Variants in TENM2 observed in about 807,000 individuals in gnomAD.
The protein encoded by TENM2 is teneurin transmembrane protein 2.
In TENM2, 52 loss-of-function variants were observed where a neutral mutation model predicts 245.2. The observed-to-expected ratio is 0.21, with a 90% CI of 0.17 to 0.27. The LOEUF (loss-of-function observed/expected upper bound fraction) is 0.27, where lower values mean the gene tolerates loss of function less well. TENM2 is among the 10% of genes least tolerant of loss of function. TENM2 has a pLI of 1.00. For synonymous variants in TENM2, 1,363 were observed against 1,438.9 expected (o/e 0.95, Z 1.19); for missense variants, 3,046 against 3,666.8 (o/e 0.83, Z 4.37).
the TENM2 span, among the ~76,000 whole-genome samples, chr5:167,259,998 A>G: frequency 3.4e-4 from 52 of 152,308 alleles, no homozygotes; most frequent in African/African-American, 7.9e-4. Flanking sequence ...CTGGTCACCT[A>G]CAGATTCAGG....
the TENM2 span, among the ~76,000 whole-genome samples, chr5:167,213,821 G>T: frequency 1.3e-5 from 2 of 152,140 alleles, no homozygotes; most frequent in Non-Finnish European, 1.5e-5. Flanking sequence ...ACCTTTAATT[G>T]CATGAGTTTT....
chr5:167,119,971 A>G, the TENM2 span, among the ~76,000 whole-genome samples: 1 of 152,158 alleles, frequency 6.6e-6, no homozygotes, highest in Non-Finnish European at 1.5e-5. Flanking sequence ...GCTTGGAGAT[A>G]GAGAGGATCT....
intron 1 of TENM2, among the ~76,000 whole-genome samples, chr5:167,348,912 T>C (rs1758644154): frequency 6.6e-6 from 1 of 152,206 alleles, no homozygotes; most frequent in African/African-American, 2.4e-5. Flanking sequence ...TCTGTAAGTC[T>C]TAAGAGTTGA....
intron 3 of TENM2, among the ~76,000 whole-genome samples, chr5:167,916,502 G>C (rs1005465066): frequency 6.6e-6 from 1 of 152,120 alleles, no homozygotes; most frequent in Non-Finnish European, 1.5e-5. Context: ...CAACTACAAA[G>C]CTGTTTCCAG....
chr5:167,189,500 TC>T, the TENM2 span, among the ~76,000 whole-genome samples: 2 of 151,940 alleles, frequency 1.3e-5, no homozygotes, highest in African/African-American at 4.8e-5. Context: ...TTTCCTTCCT[TC>T]CTTCCCCCTT....
At chr5:167,795,465 G>A (rs1765253123) in intron 2 of TENM2, among the ~76,000 whole-genome samples, 3 of 152,098 alleles carry the variant, frequency 2.0e-5, no homozygotes, top group South Asian at 4.1e-4. Context: ...ATGGGTTTTG[G>A]AAAAGATGTT....
intron 26 of TENM2, among the ~76,000 whole-genome samples, chr5:168,245,724 C>T (rs995182738): frequency 1.3e-5 from 2 of 152,092 alleles, no homozygotes; most frequent in Non-Finnish European, 2.9e-5. Flanking sequence ...CTCACCAACT[C>T]ATTACAGCGG....
intron 23 of TENM2, among the ~76,000 whole-genome samples, chr5:168,222,348 G>T (rs139161748): frequency 1.6e-4 from 25 of 152,150 alleles, no homozygotes; most frequent in African/African-American, 5.6e-4. Flanking sequence ...TTAAAAAGAG[G>T]CCCTCCAGAA....
At chr5:167,799,974 G>T (rs1549309) in intron 2 of TENM2, among the ~76,000 whole-genome samples, 1 of 152,022 alleles carries the variant, frequency 6.6e-6, no homozygotes. Flanking sequence ...TAACTATCCC[G>T]TGTCATAGCT....
intron 2 of TENM2, among the ~76,000 whole-genome samples, chr5:167,778,953 C>A (rs1763995831): frequency 6.6e-6 from 1 of 152,178 alleles, no homozygotes; most frequent in Non-Finnish European, 1.5e-5. Flanking sequence ...CTCTACTTAG[C>A]CCTTGGCTAA....
the TENM2 span, among the ~76,000 whole-genome samples, chr5:167,115,451 C>T: frequency 6.6e-6 from 1 of 152,226 alleles, no homozygotes; most frequent in Non-Finnish European, 1.5e-5. Context: ...CACGGTCCCT[C>T]AGGGCCTCAT....
intron 2 of TENM2, among the ~76,000 whole-genome samples, chr5:167,458,169 T>C (rs990859817): frequency 6.6e-6 from 1 of 152,108 alleles, no homozygotes; most frequent in African/African-American, 2.4e-5. Context: ...AACTGGTAAT[T>C]TTTATCATTT....
At chr5:167,658,204 C>T (rs538126039) in intron 2 of TENM2, among the ~76,000 whole-genome samples, 73 of 150,116 alleles carry the variant, frequency 4.9e-4, no homozygotes, top group Admixed American at 8.6e-4. Context: ...AAATGCTGTG[C>T]GAAGCCTTTT....
chr5:167,315,576 A>T lies in TENM2; in HGVS notation c.226+30513A>T, dbSNP rs75792835. Reference sequence around the variant, plus strand: ...AATAATATTTAATAGAGTAAAACAGAAAGTGTTTAGAAACATGTTATAGAG... The same window carrying T: ...AATAATATTTAATAGAGTAAAACAGTAAGTGTTTAGAAACATGTTATAGAG... On this transcript the variant is annotated intron_variant, in intron 1 of 28. Transcript: ENST00000518659. Among the ~76,000 whole-genome samples the T allele has an allele frequency of 6.7e-3, 1,017 of 152,300 alleles. 6 individuals are homozygous for T. The highest frequency in any genetic ancestry group is 0.011 in the Non-Finnish European group (775 of 68,030).
intron 4 of TENM2, among the ~76,000 whole-genome samples, chr5:167,988,643 T>C (rs1225176262): frequency 6.6e-6 from 1 of 151,982 alleles, no homozygotes; most frequent in Non-Finnish European, 1.5e-5. Context: ...GATAATATGA[T>C]GGATGGAGTG....
chr5:167,523,096 C>T (rs1181460946), intron 2 of TENM2, among the ~76,000 whole-genome samples: 1 of 152,160 alleles, frequency 6.6e-6, no homozygotes, highest in Non-Finnish European at 1.5e-5. Flanking sequence ...CTCTGCCTTT[C>T]TCATGTAAGG....
intron 2 of TENM2, among the ~76,000 whole-genome samples, chr5:167,600,188 CT>C (rs1407886745): frequency 2.0e-5 from 3 of 150,504 alleles, no homozygotes; most frequent in Non-Finnish European, 3.0e-5. Context: ...TAACTTTTTC[CT>C]TATATGTTCT....
At chr5:167,776,418 G>A (rs1203661155) in intron 2 of TENM2, among the ~76,000 whole-genome samples, 6 of 151,164 alleles carry the variant, frequency 4.0e-5, no homozygotes, top group East Asian at 1.9e-4. Context: ...GCAGCAAGGC[G>A]AGACCCCATC....
intron 2 of TENM2, among the ~76,000 whole-genome samples, chr5:167,487,512 C>T (rs1768150720): frequency 6.6e-6 from 1 of 152,018 alleles, no homozygotes; most frequent in African/African-American, 2.4e-5. Flanking sequence ...GCACATGCTA[C>T]GTGTGTGTTT....
Sources: allele counts gnomAD v4.1 joint callset (sites outside exome capture counted in the v4.1 genomes callset), GRCh38; gene constraint gnomAD v4.1.1; transcripts MANE v1.5; gene names NCBI Gene and HGNC (gene_info 2026-07-23, HGNC 2026-07-21).